Variants in CELF2 observed in about 807,000 individuals in gnomAD.
The protein encoded by CELF2 is CUG triplet repeat RNA-binding protein 2.
Under a neutral mutation model 62.6 loss-of-function variants are expected in CELF2, and 8 were observed. That is an observed-to-expected ratio of 0.13 (90% CI 0.07 to 0.23). The LOEUF is 0.23. CELF2 is among the 10% of genes least tolerant of loss of function. The pLI is 1.00. For synonymous variants in CELF2, 258 were observed against 250.0 expected (o/e 1.03, Z -0.30); for missense variants, 333 against 671.0 (o/e 0.50, Z 5.56).
intron 1 of CELF2, among the ~76,000 whole-genome samples, chr10:11,107,887 T>C: frequency 7.6e-6 from 1 of 131,334 alleles, no homozygotes; most frequent in Non-Finnish European, 1.6e-5. Flanking sequence ...TTCTCCCATC[T>C]CCTCCCTTCT....
the CELF2 span, among the ~76,000 whole-genome samples, chr10:10,666,928 G>T: frequency 6.6e-6 from 1 of 151,674 alleles, no homozygotes; most frequent in Non-Finnish European, 1.5e-5. Context: ...TATTTTCAGT[G>T]GTTGGCTTGG....
At chr10:10,660,599 A>G in the CELF2 span, among the ~76,000 whole-genome samples, 2 of 152,246 alleles carry the variant, frequency 1.3e-5, no homozygotes, top group African/African-American at 4.8e-5. Flanking sequence ...GCTACAATCA[A>G]TTCCTTCACC....
At chr10:11,250,497 C>T (rs534929187) in intron 4 of CELF2, among the ~76,000 whole-genome samples, 38 of 152,306 alleles carry the variant, frequency 2.5e-4, no homozygotes, top group Admixed American at 8.5e-4. Context: ...TTGTCAAATC[C>T]GCTGCTGCTC....
At chr10:10,798,462 G>A (rs1312188010), upstream of CELF2, 3 of 294,676 alleles carry the variant, frequency 1.0e-5, no homozygotes, top group Non-Finnish European at 1.9e-5. Flanking sequence ...TTAATAAAGA[G>A]AGATTTAAGT....
chr10:10,614,692 G>A, the CELF2 span, among the ~76,000 whole-genome samples: 1 of 152,128 alleles, frequency 6.6e-6, no homozygotes, highest in Non-Finnish European at 1.5e-5. Context: ...TTATCTTCAT[G>A]TCACTGTCCT....
At chr10:10,878,837 C>T (rs181996848) in intron 1 of CELF2, among the ~76,000 whole-genome samples, 29 of 152,170 alleles carry the variant, frequency 1.9e-4, no homozygotes, top group Non-Finnish European at 2.4e-4. Flanking sequence ...AGCATCTTCT[C>T]GTCTCTGCCA....
At chr10:11,210,093 C>A (rs1028220411) in intron 2 of CELF2, among the ~76,000 whole-genome samples, 3 of 152,120 alleles carry the variant, frequency 2.0e-5, no homozygotes, top group African/African-American at 4.8e-5. Context: ...TCAAAGGCAG[C>A]GTGTAAAGGA....
chr10:10,813,863 A>G (rs976905995), intron 1 of CELF2, among the ~76,000 whole-genome samples: 1 of 152,226 alleles, frequency 6.6e-6, no homozygotes, highest in Admixed American at 6.5e-5. Context: ...GGACAGCAAC[A>G]GGGAGACTGA....
the CELF2 span, among the ~76,000 whole-genome samples, chr10:10,626,188 G>A: frequency 2.2e-3 from 339 of 151,926 alleles, no homozygotes; most frequent in Non-Finnish European, 3.4e-3. Flanking sequence ...AAGTACATTC[G>A]TTGCTTTACT....
In CELF2 at chr10:10,913,379, C is replaced by CTTTTTT. The variant is rs34163796; in HGVS notation, c.54-6562_54-6557dup. Among the ~76,000 whole-genome samples, 59 of 57,362 alleles carry CTTTTTT rather than the reference C, an allele frequency of 1.0e-3. 2 individuals are homozygous for CTTTTTT. Among genetic ancestry groups the CTTTTTT allele is most frequent in the East Asian group, 1.9e-3 (3 of 1,620 alleles). The allele number at this position is 57,362 out of a possible 152,430, so 37.6% of individuals were successfully genotyped here. On this transcript the variant is annotated intron_variant, in intron 1 of 13. Transcript: ENST00000636488. ...AATATATATGCCTTTGTAATGATGT[C>CTTTTTT]TTTTTTTTTTTTTTTTTTTTTTTTT...
Position 11,321,848 on chromosome 10 carries a change from T to C in CELF2, c.1294+462T>C, listed in dbSNP as rs2134360. On this transcript the variant is annotated intron_variant, in intron 11 of 12. Transcript: ENST00000633077. This position sits in a 1 kb window ranked among gnomAD's most constrained non-coding sequence, Gnocchi z 6.2. ...GGCTTTGTTGATAAATAAATGGTTT[T>C]AATTATTTCCCCCAGCTACATCTTC... is the stretch of plus-strand genomic sequence containing the variant. 0.62 allele frequency among the ~76,000 whole-genome samples: 93,988 copies of C among 152,086 alleles called. 30,457 individuals carry two copies. Among genetic ancestry groups the C allele is most frequent in the Non-Finnish European group, 0.73 (49,317 of 67,974 alleles).
chr10:10,816,095 C>T (rs1371049260), intron 1 of CELF2, among the ~76,000 whole-genome samples: 1 of 152,046 alleles, frequency 6.6e-6, no homozygotes, highest in Non-Finnish European at 1.5e-5. Flanking sequence ...CTTTAATCTC[C>T]AGCCTGTAAC....
chr10:11,018,258 C>A (rs1373831706), intron 1 of CELF2, 95 bp downstream of exon 1: 2 of 1,062,394 alleles, frequency 1.9e-6, no homozygotes, highest in South Asian at 1.7e-5. Context: ...AGCTCCCGGG[C>A]GCGACTCGGC....
chr10:10,802,268 G>A (rs34501647), intron 1 of CELF2, among the ~76,000 whole-genome samples: 2 of 151,956 alleles, frequency 1.3e-5, no homozygotes, highest in Non-Finnish European at 2.9e-5. Flanking sequence ...TCAAGAGATC[G>A]AGACCATCCG....
intron 2 of CELF2, among the ~76,000 whole-genome samples, chr10:10,942,870 G>T (rs1407840045): frequency 6.6e-6 from 1 of 152,158 alleles, no homozygotes; most frequent in Non-Finnish European, 1.5e-5. Flanking sequence ...AAATCATAGG[G>T]TCAAGAAAAT....
the CELF2 span, among the ~76,000 whole-genome samples, chr10:10,705,495 A>G: frequency 9.2e-5 from 14 of 152,052 alleles, no homozygotes; most frequent in Non-Finnish European, 1.8e-4. Context: ...ACAGGGAGAG[A>G]GAGGGAGTGG....
intron 9 of CELF2, among the ~76,000 whole-genome samples, chr10:11,293,219 T>C (rs183588660): frequency 6.6e-6 from 1 of 152,364 alleles, no homozygotes; most frequent in African/African-American, 2.4e-5. Context: ...AAAAATCTAA[T>C]ACATCACTAA....
chr10:10,533,203 A>G, the CELF2 span, among the ~76,000 whole-genome samples: 3 of 152,234 alleles, frequency 2.0e-5, no homozygotes, highest in Non-Finnish European at 4.4e-5. Flanking sequence ...GGGCTTAAAT[A>G]CAGAGATGTG....
At chr10:10,643,469 C>A in the CELF2 span, among the ~76,000 whole-genome samples, 1 of 152,124 alleles carries the variant, frequency 6.6e-6, no homozygotes, top group Non-Finnish European at 1.5e-5. Flanking sequence ...ATTGTGAGGC[C>A]TCCCCAGCCT....
Sources: gnomAD v4.1 joint callset for allele counts (sites outside exome capture counted in the v4.1 genomes callset) on GRCh38, gnomAD v4.1.1 for gene constraint, Gnocchi (gnomAD v3.1) non-coding constraint, MANE v1.5 for transcripts, NCBI Gene and HGNC (gene_info 2026-07-23, HGNC 2026-07-21) for gene names.